The following NCKAP5 variants were observed in gnomAD, a reference collection of about 807,000 sequenced individuals.
The protein encoded by NCKAP5 is nck-associated protein 5.
Under a neutral mutation model 167.0 loss-of-function variants are expected in NCKAP5, and 92 were observed. That is an observed-to-expected ratio of 0.55 (90% CI 0.47 to 0.66). NCKAP5 has a LOEUF of 0.66. NCKAP5 is among the 30% of genes least tolerant of loss of function. NCKAP5 has a pLI of 0.00. For synonymous variants in NCKAP5, 891 were observed against 877.4 expected, an observed-to-expected ratio of 1.02 and a Z score of -0.27; for missense variants, 2,378 against 2,315.0, an observed-to-expected ratio of 1.03 and a Z score of -0.56.
chr2:132,783,575 G>T lies in NCKAP5; in HGVS notation c.3236C>A (p.Thr1079Lys), dbSNP rs375896892. 6.2e-7 allele frequency: 1 copy of T among 1,613,942 alleles called. No homozygotes were observed. The highest frequency in any genetic ancestry group is 1.1e-5 in the South Asian group (1 of 91,084). The change falls in exon 14 of 20, where the codon ACG (threonine) becomes AAG (lysine). Residue 1079 changes from threonine to lysine, a missense_variant. By Grantham distance (78) the Thr-to-Lys change is moderately conservative (BLOSUM62 -1). This residue lies in a region of NCKAP5 where 1,325 missense variants were observed against 1,274.5 expected (regional missense o/e 1.04). Coordinates refer to ENST00000409261, the MANE Select transcript of NCKAP5 (RefSeq NM_207363.3). ...SPSTHEPLEM[T>K]SSKSVSPGRK... ...CCCTGGAGATACACTTTTGGAGGAC[G>T]TCATTTCCAGTGGCTCATGGGTTGA... is the stretch of plus-strand genomic sequence containing the variant.
At chr2:133,311,933 C>T (rs918384511) in intron 3 of NCKAP5, among the ~76,000 whole-genome samples, 1 of 152,144 alleles carries the variant, frequency 6.6e-6, no homozygotes, top group African/African-American at 2.4e-5. Flanking sequence ...AAATGACATT[C>T]CAAACTATTG....
At chr2:133,648,413 A>G in the NCKAP5 span, among the ~76,000 whole-genome samples, 2,598 of 152,258 alleles carry the variant, frequency 0.017, 78 homozygotes, top group African/African-American at 0.058. Context: ...AAATGTATCT[A>G]ACAGACATAT....
intron 8 of NCKAP5, among the ~76,000 whole-genome samples, chr2:132,879,969 T>C (rs1235075420): frequency 6.6e-6 from 1 of 152,100 alleles, no homozygotes; most frequent in East Asian, 1.9e-4. Context: ...TATTTGGCCA[T>C]AAAAAAGAAT....
chr2:133,195,639 C>T (rs2085402980), intron 5 of NCKAP5, among the ~76,000 whole-genome samples: 1 of 151,996 alleles, frequency 6.6e-6, no homozygotes, highest in Non-Finnish European at 1.5e-5. Context: ...GAAAAGCAGC[C>T]TTATTATGGA....
At chr2:132,763,768 G>A (rs529853915) in intron 16 of NCKAP5, among the ~76,000 whole-genome samples, 4 of 152,286 alleles carry the variant, frequency 2.6e-5, no homozygotes, top group African/African-American at 7.2e-5. Flanking sequence ...TAGAACACAC[G>A]TTTCTCTTAT....
intron 2 of NCKAP5, among the ~76,000 whole-genome samples, chr2:133,526,499 G>A (rs983362481): frequency 6.6e-6 from 1 of 152,268 alleles, no homozygotes; most frequent in Admixed American, 6.5e-5. Context: ...GCTAACCCTG[G>A]AGGACTTGCC....
At chr2:133,241,254 T>C (rs1191566162) in intron 4 of NCKAP5, among the ~76,000 whole-genome samples, 1 of 152,296 alleles carries the variant, frequency 6.6e-6, no homozygotes, top group Admixed American at 6.5e-5. Context: ...CTCGCCCTAT[T>C]TTGGGTTTTA....
intron 2 of NCKAP5, among the ~76,000 whole-genome samples, chr2:133,536,604 A>G (rs1189598192): frequency 6.6e-6 from 1 of 151,908 alleles, no homozygotes; most frequent in Non-Finnish European, 1.5e-5. Context: ...TTTTAAGAGA[A>G]ATATCTGTAT....
At chr2:132,815,096 G>A (rs1294570132) in intron 11 of NCKAP5, among the ~76,000 whole-genome samples, 4 of 152,078 alleles carry the variant, frequency 2.6e-5, no homozygotes, top group Admixed American at 6.6e-5. Context: ...AAATTATTCC[G>A]TCTTCTCAAA....
intron 19 of NCKAP5, among the ~76,000 whole-genome samples, chr2:132,715,942 T>C (rs1689332163): frequency 1.3e-5 from 2 of 152,160 alleles, no homozygotes. Context: ...GTTAATCTTT[T>C]CTTGGCTTCT....
intron 2 of NCKAP5, among the ~76,000 whole-genome samples, chr2:133,553,827 A>G (rs1485644112): frequency 1.3e-5 from 2 of 152,244 alleles, no homozygotes; most frequent in African/African-American, 4.8e-5. Flanking sequence ...TATATTTGTT[A>G]TCTATTGCTG....
At chr2:132,887,759 G>A (rs62178883) in intron 8 of NCKAP5, among the ~76,000 whole-genome samples, 48,040 of 151,914 alleles carry the variant, frequency 0.32, 7,883 homozygotes, top group Non-Finnish European at 0.36. Flanking sequence ...TGATCCTCCC[G>A]CCTCAGCCTC....
intron 6 of NCKAP5, among the ~76,000 whole-genome samples, chr2:133,128,177 G>A (rs1156782564): frequency 2.6e-5 from 4 of 152,082 alleles, no homozygotes; most frequent in East Asian, 1.9e-4. Context: ...ATTTATCACC[G>A]GTCACAGTGT....
intron 3 of NCKAP5, among the ~76,000 whole-genome samples, chr2:133,383,886 TC>T (rs1407649097): frequency 1.3e-5 from 2 of 152,248 alleles, no homozygotes; most frequent in Non-Finnish European, 2.9e-5. Context: ...TCTGTTCATA[TC>T]CTTCGCCCAC....
At position 133,116,215 on chromosome 2, in the gene NCKAP5, C is replaced by T. The variant is rs572649245; in HGVS notation, c.341+13763G>A. ...AATAAGAAAAATTTGTGGCCGGGCG[C>T]GGTGGCTCACGCCTGTAATCCCAGC... On this transcript the variant is annotated intron_variant, in intron 6 of 19. Coordinates refer to ENST00000409261, the MANE Select transcript of NCKAP5 (RefSeq NM_207363.3). Among the ~76,000 whole-genome samples, 21 of 86,122 alleles carry T rather than the reference C, an allele frequency of 2.4e-4. 5 individuals carry two copies. The East Asian group carries it at 4.1e-3, about 17-fold the overall frequency. 56.5% of individuals were successfully genotyped at this position (86,122 alleles called of 152,430 possible).
At chr2:133,535,939 C>T (rs1284942465) in intron 2 of NCKAP5, among the ~76,000 whole-genome samples, 1 of 152,132 alleles carries the variant, frequency 6.6e-6, no homozygotes, top group East Asian at 1.9e-4. Context: ...TGTACGTCTT[C>T]TTTTGAAAAA....
intron 6 of NCKAP5, among the ~76,000 whole-genome samples, chr2:133,110,395 T>C (rs2081867037): frequency 6.6e-6 from 1 of 152,154 alleles, no homozygotes; most frequent in South Asian, 2.1e-4. Context: ...TGCTGCTGTC[T>C]CAGGTACTAG....
At chr2:133,385,527 G>C (rs1224064788) in intron 3 of NCKAP5, among the ~76,000 whole-genome samples, 2 of 152,144 alleles carry the variant, frequency 1.3e-5, no homozygotes, top group Non-Finnish European at 2.9e-5. Flanking sequence ...TTGTGTCTCT[G>C]CCAGGCCTGG....
At chr2:133,588,316 C>T in the NCKAP5 span, among the ~76,000 whole-genome samples, 80 of 121,226 alleles carry the variant, frequency 6.6e-4, no homozygotes, top group Non-Finnish European at 1.2e-3. Flanking sequence ...CCTCCCTCCC[C>T]CTTCCTCCCC....
Sources: allele counts gnomAD v4.1 joint callset (sites outside exome capture counted in the v4.1 genomes callset), GRCh38; gene constraint gnomAD v4.1.1; regional missense constraint gnomAD v4.1.1; transcripts MANE v1.5; gene names NCBI Gene and HGNC (gene_info 2026-07-23, HGNC 2026-07-21).